The following DMRT1 variants were observed in gnomAD, a reference collection of about 807,000 sequenced individuals.
DMRT1 encodes the protein doublesex and mab-3 related transcription factor 1.
Under a neutral mutation model 32.3 loss-of-function variants are expected in DMRT1, and 7 were observed. The ratio of observed to expected loss-of-function variants is 0.22; its 90% CI spans 0.12 to 0.41. The LOEUF (loss-of-function observed/expected upper bound fraction) is 0.41. Among genes scored for constraint, DMRT1 ranks in the 10% least tolerant of loss-of-function variants. The probability of loss-of-function intolerance (pLI) is 1.00; values close to 1 mark genes in which losing one functional copy is unlikely to be tolerated. For synonymous variants in DMRT1, 278 were observed against 206.1 expected, an observed-to-expected ratio of 1.35 and a Z score of -2.99; for missense variants, 625 against 500.5, an observed-to-expected ratio of 1.25 and a Z score of -2.37.
chr9:884,942 C>G (rs1424923815), intron 2 of DMRT1, among the ~76,000 whole-genome samples: 4 of 152,222 alleles, frequency 2.6e-5, no homozygotes, highest in Admixed American at 2.6e-4. Context: ...TACACTCCAG[C>G]CTGGGCAACA....
chr9:879,796 G>T (rs190855601), intron 2 of DMRT1, among the ~76,000 whole-genome samples: 1 of 152,262 alleles, frequency 6.6e-6, no homozygotes, highest in African/African-American at 2.4e-5. Context: ...ACTTTGGATG[G>T]CTCTTTCATC....
At chr9:862,035 G>A (rs1260255553) in intron 2 of DMRT1, among the ~76,000 whole-genome samples, 1 of 151,810 alleles carries the variant, frequency 6.6e-6, no homozygotes, top group African/African-American at 2.4e-5. Context: ...GCCGGGCGGA[G>A]GGGCTCCTCA....
At chr9:966,548 C>G (rs1201176385) in intron 4 of DMRT1, among the ~76,000 whole-genome samples, 2 of 152,092 alleles carry the variant, frequency 1.3e-5, no homozygotes, top group African/African-American at 2.4e-5. Context: ...GGTAGCTGTA[C>G]AAAACTATCC....
At chr9:866,628 A>G (rs1056888023) in intron 2 of DMRT1, among the ~76,000 whole-genome samples, 1 of 152,248 alleles carries the variant, frequency 6.6e-6, no homozygotes, top group African/African-American at 2.4e-5. Context: ...TATTGGGCTG[A>G]TACACTGATA....
intron 4 of DMRT1, among the ~76,000 whole-genome samples, chr9:953,654 G>T (rs767033949): frequency 6.6e-6 from 1 of 152,052 alleles, no homozygotes; most frequent in African/African-American, 2.4e-5. Context: ...AGTTTTCCTC[G>T]CCCCTTCCTT....
At chr9:941,864 T>C (rs1416041552) in intron 4 of DMRT1, among the ~76,000 whole-genome samples, 2 of 152,260 alleles carry the variant, frequency 1.3e-5, no homozygotes, top group Non-Finnish European at 2.9e-5. Context: ...ATGATTCTTA[T>C]ATTCCTGGAA....
At chr9:891,016 C>T (rs958294791) in intron 2 of DMRT1, among the ~76,000 whole-genome samples, 2 of 151,786 alleles carry the variant, frequency 1.3e-5, no homozygotes, top group East Asian at 3.9e-4. Context: ...CAGGCGTGAG[C>T]CACCGCGCTC....
In DMRT1 at chr9:855,146, C is replaced by G. The variant is rs191241683; in HGVS notation, c.538+8003C>G. Among the ~76,000 whole-genome samples the G allele has an allele frequency of 2.6e-5, 4 of 151,990 alleles. No individual in the cohort carries two copies. The East Asian group carries it at 7.8e-4, about 30-fold the overall frequency. On this transcript the variant is annotated intron_variant, in intron 2 of 4. Transcript: ENST00000382276. ...TCAGGGATAGTCTTTGCTTATATGT[C>G]AAGTATAGCAGTTTAATTGGTCAGA... is the stretch of plus-strand genomic sequence containing the variant.
chr9:843,330 T>C (rs1838772149), intron 1 of DMRT1, among the ~76,000 whole-genome samples: 1 of 152,210 alleles, frequency 6.6e-6, no homozygotes, highest in Non-Finnish European at 1.5e-5. Context: ...CTGGGGCGCT[T>C]TTTGTCTTCG....
At chr9:915,389 C>A (rs568240418) in intron 3 of DMRT1, among the ~76,000 whole-genome samples, 1 of 152,298 alleles carries the variant, frequency 6.6e-6, no homozygotes, top group Admixed American at 6.5e-5. Flanking sequence ...GAATGAGAAT[C>A]AGGAAGCCAC....
At chr9:931,636 G>A (rs777837146) in intron 4 of DMRT1, among the ~76,000 whole-genome samples, 3 of 152,192 alleles carry the variant, frequency 2.0e-5, no homozygotes, top group Non-Finnish European at 4.4e-5. Flanking sequence ...GCCATCTTAT[G>A]TCCTCACATG....
At chr9:957,567 A>C (rs1819639080) in intron 4 of DMRT1, among the ~76,000 whole-genome samples, 1 of 152,188 alleles carries the variant, frequency 6.6e-6, no homozygotes, top group South Asian at 2.1e-4. Flanking sequence ...GCCGTGTTAT[A>C]TTTAGGTGGT....
intron 3 of DMRT1, among the ~76,000 whole-genome samples, chr9:898,407 C>A (rs1481547869): frequency 6.6e-6 from 1 of 152,214 alleles, no homozygotes. Flanking sequence ...GCATGAGTCA[C>A]CGTGCCTGGC....
chr9:848,068 C>T (rs1320760781), intron 2 of DMRT1, among the ~76,000 whole-genome samples: 1 of 152,224 alleles, frequency 6.6e-6, no homozygotes, highest in Non-Finnish European at 1.5e-5. Context: ...GATACACATA[C>T]TGTAATTCAC....
Position 871,216 on chromosome 9 carries a change from C to T in DMRT1, c.539-22696C>T, listed in dbSNP as rs185569984. The stretch of plus-strand genomic sequence containing the variant: ...ATGCCCGGCTAATTTTTTGTAGAGA[C>T]GGGGTTTTGCCACGTTGCCCAGGCT... On this transcript the variant is annotated intron_variant, in intron 2 of 4. Transcript: ENST00000382276. 1.7e-3 allele frequency among the ~76,000 whole-genome samples: 240 copies of T among 144,176 alleles called. 2 individuals carry two copies. Among genetic ancestry groups the T allele is most frequent in the African/African-American group, 5.6e-3 (218 of 38,686 alleles). The allele number at this position is 144,176 out of a possible 152,430, so 94.6% of individuals were successfully genotyped here. A position where few individuals can be genotyped will look rare whatever the true frequency, so the allele number is the denominator to read the frequency against.
intron 2 of DMRT1, among the ~76,000 whole-genome samples, chr9:874,986 T>G (rs985647827): frequency 8.6e-5 from 13 of 151,612 alleles, no homozygotes; most frequent in Admixed American, 6.6e-4. Context: ...TTTTTGTATT[T>G]TTTTTAGTAG....
intron 4 of DMRT1, among the ~76,000 whole-genome samples, chr9:955,957 G>GGT (rs1304947592): frequency 2.0e-5 from 3 of 152,096 alleles, no homozygotes; most frequent in Non-Finnish European, 4.4e-5. Context: ...TTGAAAGCAG[G>GGT]GTGTCAAAGA....
chr9:895,574 A>G (rs559879788), intron 3 of DMRT1, among the ~76,000 whole-genome samples: 1 of 152,290 alleles, frequency 6.6e-6, no homozygotes, highest in East Asian at 1.9e-4. Flanking sequence ...TATATTTAAG[A>G]TGTACAATGT....
At chr9:865,912 C>G (rs1302769612) in intron 2 of DMRT1, among the ~76,000 whole-genome samples, 2 of 152,000 alleles carry the variant, frequency 1.3e-5, no homozygotes, top group Non-Finnish European at 2.9e-5. Context: ...ACCTGTAATC[C>G]CAGCACTTTG....
Sources: gnomAD v4.1 joint callset for allele counts (sites outside exome capture counted in the v4.1 genomes callset) on GRCh38, gnomAD v4.1.1 for gene constraint, MANE v1.5 for transcripts, NCBI Gene and HGNC (gene_info 2026-07-23, HGNC 2026-07-21) for gene names.